SERBP1: variants seen among roughly 807,000 people sequenced by gnomAD.
SERBP1 encodes the protein SERPINE1 mRNA binding protein 1.
SERBP1 carries 6 observed loss-of-function variants against 50.2 expected under a neutral mutation model. That is an observed-to-expected ratio of 0.12 (90% confidence interval 0.07 to 0.24). SERBP1 has a LOEUF of 0.24. SERBP1 is among the 10% of genes least tolerant of loss of function. SERBP1 has a pLI of 1.00. For missense variants in SERBP1, 346 were observed against 524.9 expected (o/e 0.66, Z 3.33); for synonymous variants, 168 against 182.8 (o/e 0.92, Z 0.65).
chr1:67,424,104 C>T, intron 5 of SERBP1, 96 bp downstream of exon 5: 1 of 1,270,916 alleles, frequency 7.9e-7, no homozygotes, highest in Non-Finnish European at 1.1e-6. Flanking sequence ...AACAAAAAGC[C>T]ATCAAGTAAC....
intron 6 of SERBP1, among the ~76,000 whole-genome samples, chr1:67,419,480 T>G (rs962624890): frequency 6.6e-6 from 1 of 152,232 alleles, no homozygotes; most frequent in African/African-American, 2.4e-5. Context: ...CCACATATAC[T>G]TTGGTTTTTA....
chr1:67,419,860 T>C lies in SERBP1; in HGVS notation c.951+149A>G, dbSNP rs1169372188. 2.8e-5 allele frequency: 19 copies of C among 666,920 alleles called. No homozygotes were observed. In the African/African-American group the frequency reaches 3.1e-4, roughly 11 times the overall value. The allele number at this position is 666,920 out of a possible 1,614,324, so 41.3% of individuals were successfully genotyped here. On this transcript the variant is annotated intron_variant, in intron 6 of 7. Transcript: ENST00000361219. ...TTAGAATATGTGATAATACAGTTTATTTTCCTTATAAAGCAAATTATCTGC... is the reference window on the plus strand; with the variant it reads ...TTAGAATATGTGATAATACAGTTTACTTTCCTTATAAAGCAAATTATCTGC...
intron 2 of SERBP1, 115 bp downstream of exon 2, chr1:67,426,020 T>G (rs1570304094): frequency 1.2e-6 from 1 of 852,880 alleles, no homozygotes; most frequent in Non-Finnish European, 1.8e-6. Context: ...GAGACTGAGA[T>G]GAGAGGATCA....
Position 67,426,205 on chromosome 1 carries a change from G to A in SERBP1, c.394C>T (p.Pro132Ser). 1 of 1,610,400 alleles carries A rather than the reference G, an allele frequency of 6.2e-7. No homozygotes were observed. Among genetic ancestry groups the A allele is most frequent in the Non-Finnish European group, 8.5e-7 (1 of 1,178,566 alleles). Residue 132 changes from proline to serine, a missense_variant, in exon 2 of 8, where the codon CCA (proline) becomes TCA (serine). Pro to Ser is a moderately conservative substitution (Grantham distance 74, BLOSUM62 -1). This residue lies in a region of SERBP1 where 257 missense variants were observed against 331.2 expected (regional missense o/e 0.78). Transcript: ENST00000361219. Reference sequence around the variant, plus strand: ...TTTTCGAATCTTCGTTCACGAGGTGGTCGCCTTTCTGGTCTTCTATCAATT... The same window carrying A: ...TTTTCGAATCTTCGTTCACGAGGTGATCGCCTTTCTGGTCTTCTATCAATT... ...KIIDRRPERR[P>S]PRERRFEKPL... is the part of the protein sequence containing the mutation.
At position 67,425,006 on chromosome 1, in the gene SERBP1, T is replaced by C. The variant is rs1667322721; in HGVS notation, c.606-29A>G. On this transcript the variant is annotated intron_variant, in intron 3 of 7. Coordinates refer to ENST00000361219, the MANE Select transcript of SERBP1 (RefSeq NM_001018069.2). ...ACAAAACTGAGTTAACATAATACTCTTTAGTTCTAGAAATTCAAAGTTTGT... is the reference window on the plus strand; with the variant it reads ...ACAAAACTGAGTTAACATAATACTCCTTAGTTCTAGAAATTCAAAGTTTGT... 4 of 1,604,918 alleles carry C rather than the reference T, an allele frequency of 2.5e-6. No individual in the cohort carries two copies. In the East Asian group the frequency reaches 8.9e-5, roughly 36 times the overall value.
intron 7 of SERBP1, among the ~76,000 whole-genome samples, chr1:67,413,912 T>C (rs1190482441): frequency 6.6e-6 from 1 of 152,086 alleles, no homozygotes; most frequent in Non-Finnish European, 1.5e-5. Flanking sequence ...GTTCAGGTGA[T>C]TCTTGTGCCT....
chr1:67,417,675 G>A (rs1667060661), intron 6 of SERBP1, among the ~76,000 whole-genome samples: 1 of 151,912 alleles, frequency 6.6e-6, no homozygotes, highest in Non-Finnish European at 1.5e-5. Flanking sequence ...ACCACATCCA[G>A]ATAATTTTTA....
chr1:67,424,452 G>A (rs1177323830), intron 4 of SERBP1, 175 bp from the exon 5 acceptor site: 7 of 744,846 alleles, frequency 9.4e-6, no homozygotes, highest in East Asian at 8.4e-5. Flanking sequence ...CCCAGAAGAC[G>A]TCGAAAAGTA....
At chr1:67,415,436 C>A in intron 6 of SERBP1, 97 bp from the exon 7 acceptor site, 1 of 1,227,588 alleles carries the variant, frequency 8.1e-7, no homozygotes, top group African/African-American at 1.5e-5. Flanking sequence ...ACCAAAAATC[C>A]AAACTGTACT....
intron 6 of SERBP1, 79 bp downstream of exon 6, chr1:67,419,930 T>C (rs2100425273): frequency 7.6e-7 from 1 of 1,313,466 alleles, no homozygotes. Context: ...ATAACCCATG[T>C]GAAATTTTAA....
At chr1:67,428,273 G>A (rs1034795321) in intron 1 of SERBP1, among the ~76,000 whole-genome samples, 2 of 152,232 alleles carry the variant, frequency 1.3e-5, no homozygotes, top group Non-Finnish European at 2.9e-5. Flanking sequence ...GTGAACCTAA[G>A]TCTTGGTTCT....
rs1667323319 is a variant in SERBP1, at chr1:67,425,016, G to C, written c.606-39C>G. On this transcript the variant is annotated intron_variant, in intron 3 of 7. Coordinates refer to ENST00000361219, the MANE Select transcript of SERBP1 (RefSeq NM_001018069.2). ...GTTAACATAATACTCTTTAGTTCTA[G>C]AAATTCAAAGTTTGTTTATTAAATA... The C allele has an allele frequency of 3.7e-6, 6 of 1,602,170 alleles. No individual in the cohort carries two copies. In the East Asian group the frequency reaches 6.7e-5, roughly 18 times the overall value.
intron 6 of SERBP1, among the ~76,000 whole-genome samples, chr1:67,418,007 G>A (rs1570286717): frequency 1.1e-5 from 1 of 88,834 alleles, no homozygotes; most frequent in Admixed American, 1.8e-4. Context: ...AGACAGTCTT[G>A]CTCTGTTGCC....
Position 67,409,430 on chromosome 1 carries a change from C to CACACACACACACACACACACA in SERBP1, c.*3776_*3777insTGTGTGTGTGTGTGTGTGTGT, listed in dbSNP as rs1264200348. Reference sequence around the variant, plus strand: ...ACACACACACACACACCCCCACACACACCAGGTCACAGGCTGAACTTTGCT... The same window carrying CACACACACACACACACACACA: ...ACACACACACACACACCCCCACACACACACACACACACACACACACAACCAGGTCACAGGCTGAACTTTGCT... On this transcript the variant is annotated 3_prime_UTR_variant, in exon 8 of 8. Transcript: ENST00000361219. 1.3e-4 allele frequency: 19 copies of CACACACACACACACACACACA among 148,456 alleles called. No individual in the cohort carries two copies. Among genetic ancestry groups the CACACACACACACACACACACA allele is most frequent in the African/African-American group, 4.9e-4 (19 of 39,054 alleles). The allele number at this position is 148,456 out of a possible 1,614,324, so 9.2% of individuals were successfully genotyped here. A position where few individuals can be genotyped will look rare whatever the true frequency, so the allele number is the denominator to read the frequency against.
rs538191242 is a variant in SERBP1, at chr1:67,411,231, T to C, written c.*1976A>G. 5 of 152,276 alleles carry C rather than the reference T, an allele frequency of 3.3e-5. No individual in the cohort carries two copies. In the South Asian group the frequency reaches 1.0e-3, roughly 32 times the overall value. 9.4% of individuals were successfully genotyped at this position (152,276 alleles called of 1,614,324 possible). A position where few individuals can be genotyped will look rare whatever the true frequency, so the allele number is the denominator to read the frequency against. On this transcript the variant is annotated 3_prime_UTR_variant, in exon 8 of 8. Coordinates refer to ENST00000361219, the MANE Select transcript of SERBP1 (RefSeq NM_001018069.2). ...TTGAAAGCTTGCAACATACCAGATA[T>C]TGCTATGTTGTCTCTCACGACAGCA...
chr1:67,416,724 G>C (rs1667023353), intron 6 of SERBP1, among the ~76,000 whole-genome samples: 1 of 152,074 alleles, frequency 6.6e-6, no homozygotes, highest in Non-Finnish European at 1.5e-5. Context: ...ACTCATACTA[G>C]TATTAAATGT....
chr1:67,420,280 T>C, intron 5 of SERBP1, 94 bp from the exon 6 acceptor site: 1 of 1,115,504 alleles, frequency 9.0e-7, no homozygotes, highest in Non-Finnish European at 1.3e-6. Context: ...AAATTAACCT[T>C]GTAATCTTTT....
intron 5 of SERBP1, among the ~76,000 whole-genome samples, chr1:67,421,026 T>C (rs926041050): frequency 6.6e-6 from 1 of 152,222 alleles, no homozygotes; most frequent in African/African-American, 2.4e-5. Context: ...TTTCCAAAGA[T>C]AGCAGGTGAT....
At chr1:67,429,779 C>G (rs1391573676) in intron 1 of SERBP1, 6 of 556,806 alleles carry the variant, frequency 1.1e-5, no homozygotes, top group Non-Finnish European at 1.9e-5. Flanking sequence ...GGGATGGCTC[C>G]GAGAACCTCG....
Sources: gnomAD v4.1 joint callset for allele counts (sites outside exome capture counted in the v4.1 genomes callset) on GRCh38, gnomAD v4.1.1 for gene constraint, gnomAD v4.1.1 regional missense constraint, MANE v1.5 for transcripts, NCBI Gene and HGNC (gene_info 2026-07-23, HGNC 2026-07-21) for gene names.